B4GALT6: variants seen among roughly 807,000 people sequenced by gnomAD.
B4GALT6 encodes the protein UDP-Gal:beta-GlcNAc beta-1,4-galactosyltransferase 6.
Under a neutral mutation model 46.3 loss-of-function variants are expected in B4GALT6, and 14 were observed. That is an observed-to-expected ratio of 0.30 (90% CI 0.20 to 0.47). The LOEUF (loss-of-function observed/expected upper bound fraction) is 0.47, where lower values mean the gene tolerates loss of function less well. B4GALT6 is among the 20% of genes least tolerant of loss of function. The probability of loss-of-function intolerance (pLI) is 0.99; values close to 1 mark genes in which losing one functional copy is unlikely to be tolerated. For synonymous variants in B4GALT6, 168 were observed against 162.0 expected, an observed-to-expected ratio of 1.04 and a Z score of -0.28; for missense variants, 386 against 480.1, an observed-to-expected ratio of 0.80 and a Z score of 1.83.
At chr18:31,717,271 A>G in the B4GALT6 span, among the ~76,000 whole-genome samples, 1 of 152,214 alleles carries the variant, frequency 6.6e-6, no homozygotes, top group South Asian at 2.1e-4. Flanking sequence ...GTTAAAAAAT[A>G]AAGAATAAAC....
At chr18:31,651,109 T>G (rs973091512) in intron 3 of B4GALT6, among the ~76,000 whole-genome samples, 1 of 144,240 alleles carries the variant, frequency 6.9e-6, no homozygotes, top group Non-Finnish European at 1.5e-5. Flanking sequence ...GAATCACACT[T>G]AAGAGAAATG....
At chr18:31,695,011 T>C in the B4GALT6 span, among the ~76,000 whole-genome samples, 1 of 152,170 alleles carries the variant, frequency 6.6e-6, no homozygotes, top group Non-Finnish European at 1.5e-5. Context: ...ATTAAAATAT[T>C]CTAGGAGACT....
At chr18:31,626,945 T>C in intron 7 of B4GALT6, 54 bp downstream of exon 7, 4 of 1,491,698 alleles carry the variant, frequency 2.7e-6, no homozygotes, top group Non-Finnish European at 3.7e-6. Flanking sequence ...ATTTACCTAA[T>C]ATAAATAAGA....
intron 1 of B4GALT6, among the ~76,000 whole-genome samples, chr18:31,679,683 C>T (rs992557244): frequency 2.0e-5 from 3 of 152,182 alleles, no homozygotes; most frequent in African/African-American, 7.2e-5. Context: ...CTCTCCTGGG[C>T]AGCACGCCCT....
upstream of B4GALT6, chr18:31,684,740 GC>G (rs1197846760): frequency 1.4e-5 from 15 of 1,104,026 alleles, no homozygotes; most frequent in Non-Finnish European, 1.7e-5. Flanking sequence ...GCGAGGAGGA[GC>G]GTTTTCTCCG....
chr18:31,668,934 C>T (rs975245243), intron 1 of B4GALT6, among the ~76,000 whole-genome samples: 6 of 151,852 alleles, frequency 4.0e-5, no homozygotes, highest in Non-Finnish European at 2.9e-5. Flanking sequence ...TCACTTGAAC[C>T]CAGGAGGCAG....
At chr18:31,710,983 A>G in the B4GALT6 span, among the ~76,000 whole-genome samples, 2 of 152,082 alleles carry the variant, frequency 1.3e-5, no homozygotes, top group Non-Finnish European at 2.9e-5. Context: ...GGGCTGCCAC[A>G]TTGAGTTGTA....
chr18:31,638,835 T>C, intron 4 of B4GALT6, 75 bp from the exon 5 acceptor site: 1 of 1,263,466 alleles, frequency 7.9e-7, no homozygotes, highest in Non-Finnish European at 1.1e-6. Flanking sequence ...AAATCAATCC[T>C]TGAAAACTTC....
chr18:31,638,173 T>A (rs1180885133), intron 5 of B4GALT6, among the ~76,000 whole-genome samples: 1 of 152,130 alleles, frequency 6.6e-6, no homozygotes, highest in Non-Finnish European at 1.5e-5. Flanking sequence ...TTGACCAAAT[T>A]ACAATTATTA....
At chr18:31,627,269 C>A in intron 6 of B4GALT6, 148 bp from the exon 7 acceptor site, 1 of 577,626 alleles carries the variant, frequency 1.7e-6, no homozygotes, top group Non-Finnish European at 2.8e-6. Flanking sequence ...TACACCAAGA[C>A]ATAAAACATT....
intron 2 of B4GALT6, among the ~76,000 whole-genome samples, chr18:31,661,008 C>T (rs2074206900): frequency 6.6e-6 from 1 of 152,140 alleles, no homozygotes; most frequent in African/African-American, 2.4e-5. Flanking sequence ...CCCCCCTTAG[C>T]GTGGTCAACT....
intron 3 of B4GALT6, among the ~76,000 whole-genome samples, chr18:31,648,420 A>G (rs1011083515): frequency 6.6e-6 from 1 of 152,180 alleles, no homozygotes; most frequent in Non-Finnish European, 1.5e-5. Flanking sequence ...AGGAGAACTG[A>G]GTGTCTGAAG....
chr18:31,670,863 C>T (rs1216426839), intron 1 of B4GALT6, among the ~76,000 whole-genome samples: 1 of 152,074 alleles, frequency 6.6e-6, no homozygotes, highest in Admixed American at 6.5e-5. Flanking sequence ...CAACCCGTCA[C>T]CTACATTAGG....
At chr18:31,653,924 T>TC (rs1336261636) in intron 3 of B4GALT6, among the ~76,000 whole-genome samples, 1 of 152,196 alleles carries the variant, frequency 6.6e-6, no homozygotes, top group Non-Finnish European at 1.5e-5. Flanking sequence ...CATCTCATTT[T>TC]TTTTTTTTAC....
In B4GALT6 at chr18:31,637,468, A is replaced by G. The variant is rs563987555; in HGVS notation, c.588+1176T>C. Among the ~76,000 whole-genome samples, 7 of 150,428 alleles carry G rather than the reference A, an allele frequency of 4.7e-5. No homozygotes were observed. The South Asian group carries it at 1.5e-3, about 31-fold the overall frequency. ...AACTGTAGAGCTGGGTCTATATCCT[A>G]CAACAAAAACAGTCAAGGTTCCTCT... On this transcript the variant is annotated intron_variant, in intron 5 of 8. Transcript: ENST00000306851.
chr18:31,625,993 T>C (rs1420302942), intron 8 of B4GALT6, among the ~76,000 whole-genome samples: 4 of 152,212 alleles, frequency 2.6e-5, no homozygotes, highest in African/African-American at 9.6e-5. Context: ...TAGACATCTT[T>C]AATAAATAAA....
chr18:31,629,302 C>CT (rs1270826346), intron 6 of B4GALT6, among the ~76,000 whole-genome samples: 1 of 151,910 alleles, frequency 6.6e-6, no homozygotes, highest in African/African-American at 2.4e-5. Context: ...GTGGTCACCA[C>CT]TGTAACCCCT....
chr18:31,702,954 G>A, the B4GALT6 span, among the ~76,000 whole-genome samples: 2 of 152,182 alleles, frequency 1.3e-5, no homozygotes, highest in African/African-American at 2.4e-5. Flanking sequence ...AAACTGCCAC[G>A]AAGAGATGCC....
chr18:31,721,672 A>G, the B4GALT6 span, among the ~76,000 whole-genome samples: 1 of 152,224 alleles, frequency 6.6e-6, no homozygotes, highest in African/African-American at 2.4e-5. Context: ...GGTTTCCCAG[A>G]GTAGAAGGAA....
Sources: allele counts gnomAD v4.1 joint callset (sites outside exome capture counted in the v4.1 genomes callset), GRCh38; gene constraint gnomAD v4.1.1; transcripts MANE v1.5; gene names NCBI Gene and HGNC (gene_info 2026-07-23, HGNC 2026-07-21).